POLN: variants seen among roughly 807,000 people sequenced by gnomAD.
POLN encodes the protein DNA polymerase N.
A neutral mutation model predicts 113.5 loss-of-function variants in POLN; 108 were observed. That is an observed-to-expected ratio of 0.95 (90% CI 0.81 to 1.12). The LOEUF is 1.12. POLN is among the 50% of genes most tolerant of loss of function. The probability of loss-of-function intolerance (pLI) is 0.00; values close to 1 mark genes in which losing one functional copy is unlikely to be tolerated. For missense variants in POLN, 1,097 were observed against 1,077.1 expected, an observed-to-expected ratio of 1.02 and a Z score of -0.26; for synonymous variants, 386 against 391.5, an observed-to-expected ratio of 0.99 and a Z score of 0.17.
intron 15 of POLN, among the ~76,000 whole-genome samples, chr4:2,157,124 G>A (rs1400664794): frequency 6.6e-6 from 1 of 152,246 alleles, no homozygotes; most frequent in Non-Finnish European, 1.5e-5. Context: ...CATGGGGAGA[G>A]GAAGGGCTGT....
chr4:2,178,905 C>T (rs931956159), intron 8 of POLN, among the ~76,000 whole-genome samples: 5 of 152,288 alleles, frequency 3.3e-5, no homozygotes, highest in African/African-American at 1.2e-4. Context: ...AGCTGCTGCA[C>T]CCAGCCCGAG....
intron 11 of POLN, among the ~76,000 whole-genome samples, chr4:2,172,879 G>A (rs561644386): frequency 2.6e-5 from 4 of 152,276 alleles, no homozygotes; most frequent in South Asian, 2.1e-4. Flanking sequence ...GGTTTGTAAC[G>A]ACTGCCACTT....
At position 2,081,715 on chromosome 4, in the gene POLN, CCTT is replaced by C. The variant is rs762301780; in HGVS notation, c.2223_2225del (p.Arg743del). On this transcript the variant is annotated inframe_deletion, in exon 22 of 26. Coordinates refer to ENST00000511885, the MANE Select transcript of POLN (RefSeq NM_181808.4). ...GAGCGTGAATCCTTGGCAGGGGTCTCCTTCTGCCCATGATGGACACCACACAGC... is the reference window on the plus strand; with the variant it reads ...GAGCGTGAATCCTTGGCAGGGGTCTCCTGCCCATGATGGACACCACACAGC... 8.7e-6 allele frequency: 14 copies of C among 1,614,090 alleles called. No individual in the cohort carries two copies. Among genetic ancestry groups the C allele is most frequent in the Non-Finnish European group, 1.1e-5 (13 of 1,179,976 alleles).
In POLN at chr4:2,080,535, T is replaced by C. The variant is rs886478304; in HGVS notation, c.2387+423A>G. 3 of 1,051,214 alleles carry C rather than the reference T, an allele frequency of 2.9e-6. No individual in the cohort carries two copies. In the Admixed American group the frequency reaches 1.6e-4, roughly 55 times the overall value. 65.1% of individuals were successfully genotyped at this position (1,051,214 alleles called of 1,614,324 possible). A position where few individuals can be genotyped will look rare whatever the true frequency, so the allele number is the denominator to read the frequency against. On this transcript the variant is annotated intron_variant, in intron 23 of 25. Coordinates refer to ENST00000511885, the MANE Select transcript of POLN (RefSeq NM_181808.4). The stretch of plus-strand genomic sequence containing the variant: ...CACTGGTGGCAGCAACAGGTAGGGG[T>C]GGGGGCAGAGCTGGGCGTGGGGCAC...
chr4:2,207,403 G>C (rs957243932), intron 5 of POLN, among the ~76,000 whole-genome samples: 1 of 152,038 alleles, frequency 6.6e-6, no homozygotes, highest in Non-Finnish European at 1.5e-5. Context: ...AAAATCAATA[G>C]AGATCAAATT....
At chr4:2,083,389 CTT>C (rs750647012) in intron 21 of POLN, among the ~76,000 whole-genome samples, 1 of 152,220 alleles carries the variant, frequency 6.6e-6, no homozygotes, top group Non-Finnish European at 1.5e-5. Context: ...TCATTTGCCT[CTT>C]TTCTCTCAGA....
At chr4:2,135,188 GGAA>G (rs1284587900) in intron 16 of POLN, among the ~76,000 whole-genome samples, 1 of 152,172 alleles carries the variant, frequency 6.6e-6, no homozygotes, top group Non-Finnish European at 1.5e-5. Flanking sequence ...GTGCTCTGAG[GGAA>G]GAAGAGAGTA....
At chr4:2,210,633 A>T (rs200662184) in intron 4 of POLN, among the ~76,000 whole-genome samples, 1,524 of 83,748 alleles carry the variant, frequency 0.018, 25 homozygotes, top group East Asian at 0.052. Flanking sequence ...ATAATAATAA[A>T]AAAAAGAGGC....
intron 11 of POLN, 101 bp from the exon 12 acceptor site, chr4:2,171,282 G>T: frequency 8.4e-6 from 9 of 1,066,668 alleles, no homozygotes; most frequent in Non-Finnish European, 1.2e-5. Flanking sequence ...GATGGGCACG[G>T]TGGCTTATGC....
chr4:2,156,125 C>T (rs144134942), intron 16 of POLN, among the ~76,000 whole-genome samples: 42 of 152,254 alleles, frequency 2.8e-4, no homozygotes, highest in African/African-American at 9.9e-4. Context: ...AGCCACCGCG[C>T]CTGGCCTAAA....
intron 8 of POLN, among the ~76,000 whole-genome samples, chr4:2,178,339 C>T (rs764970436): frequency 3.9e-5 from 6 of 152,254 alleles, no homozygotes; most frequent in Non-Finnish European, 7.3e-5. Flanking sequence ...GCTGTGATTG[C>T]TTGAGCTAGC....
intron 5 of POLN, among the ~76,000 whole-genome samples, chr4:2,207,665 A>G (rs1480243098): frequency 6.6e-6 from 1 of 152,218 alleles, no homozygotes; most frequent in Non-Finnish European, 1.5e-5. Flanking sequence ...GGGAAATACA[A>G]TTTAAAACCA....
At chr4:2,216,274 G>C (rs866740511) in intron 3 of POLN, among the ~76,000 whole-genome samples, 1 of 152,330 alleles carries the variant, frequency 6.6e-6, no homozygotes, top group Middle Eastern at 3.4e-3. Context: ...TGAGAGTCAA[G>C]ACCTTTAAAC....
chr4:2,072,764 C>T (rs1730180248), intron 25 of POLN, among the ~76,000 whole-genome samples: 1 of 152,200 alleles, frequency 6.6e-6, no homozygotes, highest in Non-Finnish European at 1.5e-5. Flanking sequence ...GCCCCGGCTG[C>T]CGTCCCTGTT....
intron 7 of POLN, among the ~76,000 whole-genome samples, chr4:2,182,564 A>G (rs1011454781): frequency 6.6e-6 from 1 of 152,214 alleles, no homozygotes; most frequent in South Asian, 2.1e-4. Flanking sequence ...CCAGAACTGT[A>G]AGAAAATAAA....
intron 16 of POLN, among the ~76,000 whole-genome samples, chr4:2,147,891 C>T (rs1235596272): frequency 6.6e-6 from 1 of 152,074 alleles, no homozygotes; most frequent in Admixed American, 6.6e-5. Context: ...GATCTGCCTA[C>T]CTCAGCCTCC....
At chr4:2,137,759 G>A (rs890536015) in intron 16 of POLN, among the ~76,000 whole-genome samples, 4 of 151,930 alleles carry the variant, frequency 2.6e-5, no homozygotes, top group East Asian at 3.9e-4. Flanking sequence ...CCTCTGTATC[G>A]TTTCTCATTC....
At chr4:2,102,826 G>T (rs904960877) in intron 19 of POLN, among the ~76,000 whole-genome samples, 13 of 152,150 alleles carry the variant, frequency 8.5e-5, no homozygotes, top group African/African-American at 3.1e-4. Context: ...CACAGCCAAA[G>T]AAATCATACA....
At chr4:2,230,022 T>G (rs1222722311) in intron 2 of POLN, 2 of 152,152 alleles carry the variant, frequency 1.3e-5, no homozygotes, top group Non-Finnish European at 2.9e-5. Flanking sequence ...GGCAGGGGCA[T>G]GGTGGCTTAC....
Sources: allele counts gnomAD v4.1 joint callset (sites outside exome capture counted in the v4.1 genomes callset), GRCh38; gene constraint gnomAD v4.1.1; transcripts MANE v1.5; gene names NCBI Gene and HGNC (gene_info 2026-07-23, HGNC 2026-07-21).